Variants in EFCAB6 observed in about 807,000 individuals in gnomAD.
The protein encoded by EFCAB6 is EF-hand calcium-binding domain-containing protein 6.
EFCAB6 carries 156 observed loss-of-function variants against 169.8 expected under a neutral mutation model. The ratio of observed to expected loss-of-function variants is 0.92; its 90% CI spans 0.81 to 1.05. The LOEUF is 1.05. EFCAB6 is among the 50% of genes least tolerant of loss of function. The probability of loss-of-function intolerance (pLI) is 0.00; values close to 1 mark genes in which losing one functional copy is unlikely to be tolerated. For synonymous variants in EFCAB6, 698 were observed against 676.4 expected, an observed-to-expected ratio of 1.03 and a Z score of -0.50; for missense variants, 1,800 against 1,829.1, an observed-to-expected ratio of 0.98 and a Z score of 0.29.
chr22:43,775,600 G>C (rs1419466318), intron 3 of EFCAB6, among the ~76,000 whole-genome samples: 1 of 152,162 alleles, frequency 6.6e-6, no homozygotes, highest in Non-Finnish European at 1.5e-5. Context: ...CTGCCACCAT[G>C]CCTGAATAAT....
At chr22:43,681,556 T>A (rs2058006494) in intron 12 of EFCAB6, among the ~76,000 whole-genome samples, 1 of 152,236 alleles carries the variant, frequency 6.6e-6, no homozygotes, top group African/African-American at 2.4e-5. Context: ...ATTGTAGTCT[T>A]CAATGTGGAG....
At chr22:43,559,713 G>C (rs8138652) in intron 26 of EFCAB6, among the ~76,000 whole-genome samples, 32,307 of 152,186 alleles carry the variant, frequency 0.21, 3,713 homozygotes, top group African/African-American at 0.27. Flanking sequence ...TCCTTTGCAG[G>C]GATATGGATA....
At chr22:43,597,740 A>T (rs1327858965) in intron 23 of EFCAB6, among the ~76,000 whole-genome samples, 1 of 152,214 alleles carries the variant, frequency 6.6e-6, no homozygotes, top group Admixed American at 6.5e-5. Context: ...ACTGCTGGGT[A>T]TATATTCAAA....
At chr22:43,722,781 T>C (rs997190572) in intron 8 of EFCAB6, among the ~76,000 whole-genome samples, 2 of 148,598 alleles carry the variant, frequency 1.3e-5, no homozygotes, top group South Asian at 2.1e-4. Flanking sequence ...CTATTCACCA[T>C]AGCAAAGACA....
At chr22:43,731,599 C>T (rs2147619493) in intron 8 of EFCAB6, 100 bp downstream of exon 8, 1 of 624,074 alleles carries the variant, frequency 1.6e-6, no homozygotes, top group South Asian at 3.3e-5. Flanking sequence ...TAATGTATTT[C>T]CTATATTTGA....
At chr22:43,597,085 C>T (rs1443947870) in intron 23 of EFCAB6, among the ~76,000 whole-genome samples, 1 of 152,122 alleles carries the variant, frequency 6.6e-6, no homozygotes, top group Non-Finnish European at 1.5e-5. Context: ...TCTTTCAATA[C>T]AGACAAAAAT....
chr22:43,716,841 A>G lies in EFCAB6; in HGVS notation c.882+7T>C, dbSNP rs1333050032. On this transcript the variant is annotated splice_region_variant and intron_variant, in intron 9 of 31. Coordinates refer to ENST00000262726, the MANE Select transcript of EFCAB6 (RefSeq NM_022785.4). ...GTAGGTAATTGTGGCTTAGGAAAACATCTTACTTGTAGACAAAAGTTCCTC... is the reference window on the plus strand; with the variant it reads ...GTAGGTAATTGTGGCTTAGGAAAACGTCTTACTTGTAGACAAAAGTTCCTC... 6.3e-7 allele frequency: 1 copy of G among 1,599,076 alleles called. No homozygotes were observed. Among genetic ancestry groups the G allele is most frequent in the African/African-American group, 1.3e-5 (1 of 74,422 alleles).
Position 43,690,817 on chromosome 22 carries a change from G to C in EFCAB6, c.1032-3236C>G, listed in dbSNP as rs2058385821. ...CGCCCATCATTACCTACTTCCCATA[G>C]TTTCCTAGCTAATTCTACTCCTCTT... is the stretch of plus-strand genomic sequence containing the variant. On this transcript the variant is annotated intron_variant, in intron 10 of 31. Coordinates refer to ENST00000262726, the MANE Select transcript of EFCAB6 (RefSeq NM_022785.4). 2.0e-5 allele frequency among the ~76,000 whole-genome samples: 3 copies of C among 151,528 alleles called. No homozygotes were observed. The South Asian group carries it at 6.3e-4, about 32-fold the overall frequency.
At chr22:43,738,693 T>A (rs1193773340) in intron 6 of EFCAB6, among the ~76,000 whole-genome samples, 1 of 152,056 alleles carries the variant, frequency 6.6e-6, no homozygotes, top group Non-Finnish European at 1.5e-5. Context: ...ACATACCCCA[T>A]CCACACAGCC....
chr22:43,550,829 G>A (rs1056462460), intron 27 of EFCAB6, among the ~76,000 whole-genome samples: 1 of 152,114 alleles, frequency 6.6e-6, no homozygotes, highest in African/African-American at 2.4e-5. Flanking sequence ...TACCCAAGCA[G>A]ACCCAGTTCC....
At chr22:43,584,660 C>T (rs980169681) in intron 24 of EFCAB6, among the ~76,000 whole-genome samples, 4 of 152,118 alleles carry the variant, frequency 2.6e-5, no homozygotes, top group Non-Finnish European at 5.9e-5. Flanking sequence ...AACTCCAGCC[C>T]CATCTAGCAT....
At chr22:43,742,314 AC>A (rs531661339) in intron 6 of EFCAB6, among the ~76,000 whole-genome samples, 68 of 152,148 alleles carry the variant, frequency 4.5e-4, no homozygotes, top group Non-Finnish European at 7.5e-4. Flanking sequence ...AGCCACGCCC[AC>A]TCATTTACAT....
intron 2 of EFCAB6, among the ~76,000 whole-genome samples, chr22:43,805,826 T>C (rs1168817377): frequency 6.6e-6 from 1 of 152,182 alleles, no homozygotes; most frequent in Non-Finnish European, 1.5e-5. Flanking sequence ...TGGAGCTATG[T>C]ACATGGATTA....
At chr22:43,618,202 G>GAA (rs781080628) in intron 20 of EFCAB6, among the ~76,000 whole-genome samples, 1 of 146,316 alleles carries the variant, frequency 6.8e-6, no homozygotes. Context: ...AAGAAAGAAA[G>GAA]AAAGAAAGAA....
intron 18 of EFCAB6, 79 bp downstream of exon 18, chr22:43,635,023 G>GC (rs1347623002): frequency 2.6e-6 from 3 of 1,137,324 alleles, no homozygotes; most frequent in African/African-American, 3.0e-5. Context: ...AACCCGAGTG[G>GC]CCTGGTGGCA....
chr22:43,640,923 T>C (rs780162612), intron 17 of EFCAB6, among the ~76,000 whole-genome samples: 3 of 152,142 alleles, frequency 2.0e-5, no homozygotes, highest in African/African-American at 7.2e-5. Context: ...ATCCTTAAGA[T>C]ACAGGTATCA....
intron 26 of EFCAB6, among the ~76,000 whole-genome samples, chr22:43,575,804 C>T (rs2050217373): frequency 6.6e-6 from 1 of 152,028 alleles, no homozygotes; most frequent in Non-Finnish European, 1.5e-5. Context: ...TGTGCCAAGG[C>T]CTCATCTCTC....
chr22:43,760,072 C>T (rs1049662805), intron 5 of EFCAB6, among the ~76,000 whole-genome samples: 2 of 151,932 alleles, frequency 1.3e-5, no homozygotes, highest in African/African-American at 2.4e-5. Flanking sequence ...AGTGTGGTGG[C>T]ACACACCTGT....
At chr22:43,742,936 G>A (rs1214550559) in intron 6 of EFCAB6, among the ~76,000 whole-genome samples, 1 of 152,178 alleles carries the variant, frequency 6.6e-6, no homozygotes, top group Non-Finnish European at 1.5e-5. Context: ...AACCCACTGG[G>A]CTCTTCTGCC....
Sources: allele counts gnomAD v4.1 joint callset (sites outside exome capture counted in the v4.1 genomes callset), GRCh38; gene constraint gnomAD v4.1.1; transcripts MANE v1.5; gene names NCBI Gene and HGNC (gene_info 2026-07-23, HGNC 2026-07-21).